TMEM207: variants seen among roughly 807,000 people sequenced by gnomAD.
TMEM207 encodes transmembrane protein 207.
In TMEM207, 15 loss-of-function variants were observed where a neutral mutation model predicts 17.4. That is an observed-to-expected ratio of 0.86 (90% CI 0.58 to 1.33). The LOEUF is 1.33. TMEM207 is among the 40% of genes most tolerant of loss of function. The probability of loss-of-function intolerance (pLI) is 0.00; values close to 1 mark genes in which losing one functional copy is unlikely to be tolerated. For synonymous variants in TMEM207, 70 were observed against 65.6 expected (o/e 1.07, Z -0.33); for missense variants, 205 against 173.8 (o/e 1.18, Z -1.01).
chr3:190,443,870 G>GAGCTGACT (rs1248748428), intron 2 of TMEM207, among the ~76,000 whole-genome samples: 1 of 152,150 alleles, frequency 6.6e-6, no homozygotes, highest in Admixed American at 6.5e-5. Flanking sequence ...GGGGAAGTGA[G>GAGCTGACT]AGCTGACTAT....
At chr3:190,440,449 T>C in intron 3 of TMEM207, 60 bp from the exon 4 acceptor site, 1 of 1,494,934 alleles carries the variant, frequency 6.7e-7, no homozygotes, top group Non-Finnish European at 9.0e-7. Flanking sequence ...GTTAAGAGCT[T>C]CCATCACTAC....
intron 2 of TMEM207, among the ~76,000 whole-genome samples, chr3:190,444,182 A>G (rs919871901): frequency 2.6e-5 from 4 of 152,238 alleles, no homozygotes; most frequent in Non-Finnish European, 4.4e-5. Context: ...CTAAAACCAG[A>G]TGCGTAACTT....
chr3:190,443,008 T>C (rs960433117), intron 2 of TMEM207, among the ~76,000 whole-genome samples: 1 of 152,194 alleles, frequency 6.6e-6, no homozygotes, highest in Admixed American at 6.5e-5. Context: ...GTTTGAATTA[T>C]TGTAATGTAC....
chr3:190,429,311 C>T lies in TMEM207; in HGVS notation c.*284G>A, dbSNP rs1248543667. 3 of 341,792 alleles carry T rather than the reference C, an allele frequency of 8.8e-6. No individual in the cohort carries two copies. The highest frequency in any genetic ancestry group is 1.6e-5 in the Non-Finnish European group (3 of 184,526). The allele number at this position is 341,792 out of a possible 1,614,324, so 21.2% of individuals were successfully genotyped here. The stretch of plus-strand genomic sequence containing the variant: ...AATGTGATGGAAACTACTTCCAGCA[C>T]CTAATTGTTGCCTGTTTGGATACTA... On this transcript the variant is annotated 3_prime_UTR_variant, in exon 5 of 5. Coordinates refer to ENST00000354905, the MANE Select transcript of TMEM207 (RefSeq NM_207316.3).
intron 4 of TMEM207, among the ~76,000 whole-genome samples, chr3:190,437,091 A>G (rs1719817453): frequency 6.6e-6 from 1 of 152,252 alleles, no homozygotes; most frequent in Non-Finnish European, 1.5e-5. Context: ...GCAACTCAGG[A>G]TGGAAGAGTT....
rs748646706 is a variant in TMEM207, at chr3:190,440,210, CAA to C, written c.304+32_304+33del. 7.5e-5 allele frequency: 118 copies of C among 1,577,580 alleles called. No individual in the cohort carries two copies. In the African/African-American group the frequency reaches 1.4e-3, roughly 19 times the overall value. On this transcript the variant is annotated intron_variant, in intron 4 of 4. Coordinates refer to ENST00000354905, the MANE Select transcript of TMEM207 (RefSeq NM_207316.3). ...AATTAACCGCAAAACCACAAAGTAT[CAA>C]AAAAGAGTCCAGAAGCGTGCAGACA...
rs907857380 is a variant in TMEM207 at position 190,446,837 on chromosome 3, G to C, written c.113+953C>G. 1.3e-5 allele frequency among the ~76,000 whole-genome samples: 2 copies of C among 152,170 alleles called. 1 individual carries two copies. The highest frequency in any genetic ancestry group is 1.3e-4 in the Admixed American group (2 of 15,280). ...TCAAAGGCAGAAGATGAGGAGATAAGATAAGGGCAGCCAGGAAATCCTGAG... is the reference window on the plus strand; with the variant it reads ...TCAAAGGCAGAAGATGAGGAGATAACATAAGGGCAGCCAGGAAATCCTGAG... On this transcript the variant is annotated intron_variant, in intron 2 of 4. Coordinates refer to ENST00000354905, the MANE Select transcript of TMEM207 (RefSeq NM_207316.3).
At chr3:190,443,150 T>TG (rs1719970091) in intron 2 of TMEM207, among the ~76,000 whole-genome samples, 1 of 130,308 alleles carries the variant, frequency 7.7e-6, no homozygotes, top group Non-Finnish European at 1.6e-5. Context: ...AAAAGCTTTT[T>TG]TTTTTTTTTG....
intron 1 of TMEM207, among the ~76,000 whole-genome samples, chr3:190,448,056 T>C (rs113256386): frequency 0.019 from 2,855 of 152,310 alleles, 43 homozygotes; most frequent in Middle Eastern, 0.031. Context: ...CCAGATTCCA[T>C]TTCTACATAC....
At chr3:190,433,886 C>G (rs946844395) in intron 4 of TMEM207, among the ~76,000 whole-genome samples, 14 of 152,046 alleles carry the variant, frequency 9.2e-5, no homozygotes, top group African/African-American at 3.1e-4. Flanking sequence ...TGAGTTCTCA[C>G]GAGATCTGAT....
At chr3:190,444,421 C>G in intron 2 of TMEM207, 4 of 985,194 alleles carry the variant, frequency 4.1e-6, no homozygotes, top group Non-Finnish European at 4.8e-6. Flanking sequence ...ATAGCCAGCT[C>G]TAACCTCATA....
chr3:190,444,708 C>T (rs1242502497), intron 2 of TMEM207, among the ~76,000 whole-genome samples: 5 of 152,114 alleles, frequency 3.3e-5, no homozygotes, highest in Non-Finnish European at 5.9e-5. Context: ...ACAAAATGAA[C>T]AGCATTACTC....
At chr3:190,439,132 G>A (rs1224097304) in intron 4 of TMEM207, among the ~76,000 whole-genome samples, 5 of 139,114 alleles carry the variant, frequency 3.6e-5, no homozygotes, top group Non-Finnish European at 7.5e-5. Flanking sequence ...AGCGGAGATC[G>A]CGCCACGGCA....
intron 4 of TMEM207, among the ~76,000 whole-genome samples, chr3:190,436,964 T>A (rs1291551105): frequency 6.6e-6 from 1 of 152,208 alleles, no homozygotes; most frequent in East Asian, 1.9e-4. Flanking sequence ...TGGGACAAGA[T>A]GGAACATCGG....
chr3:190,440,196 A>G (rs767041230), intron 4 of TMEM207, 48 bp downstream of exon 4: 9 of 1,560,340 alleles, frequency 5.8e-6, no homozygotes, highest in Non-Finnish European at 7.8e-6. Context: ...ATTAACCGCA[A>G]AACCACAAAG....
rs567922635 is a variant in TMEM207, at chr3:190,449,646, T to A, written c.75+89A>T. The A allele has an allele frequency of 3.4e-5, 39 of 1,158,456 alleles. No homozygotes were observed. In the African/African-American group the frequency reaches 4.8e-4, roughly 14 times the overall value. 71.8% of individuals were successfully genotyped at this position (1,158,456 alleles called of 1,614,324 possible). ...TCTTTTAAATGTAGAAGCAGTTAAG[T>A]TGCTCACATATAAATCTATAGCAAA... is the stretch of plus-strand genomic sequence containing the variant. On this transcript the variant is annotated intron_variant, in intron 1 of 4. Transcript: ENST00000354905.
At chr3:190,447,529 A>T (rs1720076363) in intron 2 of TMEM207, among the ~76,000 whole-genome samples, 1 of 152,160 alleles carries the variant, frequency 6.6e-6, no homozygotes, top group African/African-American at 2.4e-5. Flanking sequence ...ACCTTAAGGA[A>T]GATAAATTCA....
rs537548297 is a variant in TMEM207, at chr3:190,429,401, C to T, written c.*194G>A. ...GATACAGCAGTGACACATCAAAAGC[C>T]TGCTACTTTACTATTTAAACATCTC... is the stretch of plus-strand genomic sequence containing the variant. On this transcript the variant is annotated 3_prime_UTR_variant, in exon 5 of 5. Transcript: ENST00000354905. 1 of 617,422 alleles carries T rather than the reference C, an allele frequency of 1.6e-6. No individual in the cohort carries two copies. The highest frequency in any genetic ancestry group is 1.9e-5 in the African/African-American group (1 of 53,512). 38.2% of individuals were successfully genotyped at this position (617,422 alleles called of 1,614,324 possible). A position where few individuals can be genotyped will look rare whatever the true frequency, so the allele number is the denominator to read the frequency against.
rs1720122925 is a variant in TMEM207 at position 190,449,800 on chromosome 3, A to G, written c.10T>C (p.Ser4Pro). 1 of 1,613,796 alleles carries G rather than the reference A, an allele frequency of 6.2e-7. No homozygotes were observed. Among genetic ancestry groups the G allele is most frequent in the Admixed American group, 1.7e-5 (1 of 60,006 alleles). MSR[S>P]RLFSVTSAIS... ...GCTGAGGTGACACTGAAAAGTCTGG[A>G]TCTTGACATATTTAAAGGACAGTCA... The change falls in exon 1 of 5, where the codon TCC (serine) becomes CCC (proline). Residue 4 changes from serine (S) to proline (P), a missense_variant. Transcript: ENST00000354905.
Sources: gnomAD v4.1 joint callset for allele counts (sites outside exome capture counted in the v4.1 genomes callset) on GRCh38, gnomAD v4.1.1 for gene constraint, MANE v1.5 for transcripts, NCBI Gene and HGNC (gene_info 2026-07-23, HGNC 2026-07-21) for gene names.